Variants in CDH2 observed in about 807,000 individuals in gnomAD.
CDH2 encodes cadherin-2.
A neutral mutation model predicts 92.0 loss-of-function variants in CDH2; 17 were observed. The ratio of observed to expected loss-of-function variants is 0.18; its 90% CI spans 0.13 to 0.28. The LOEUF (loss-of-function observed/expected upper bound fraction) is 0.28. CDH2 is among the 10% of genes least tolerant of loss of function. The pLI is 1.00. For missense variants in CDH2, 862 were observed against 1,133.1 expected (o/e 0.76, Z 3.44); for synonymous variants, 419 against 415.9 (o/e 1.01, Z -0.09).
chr18:28,071,518 GACTGC>G (rs779371672), intron 2 of CDH2, among the ~76,000 whole-genome samples: 12 of 152,068 alleles, frequency 7.9e-5, no homozygotes, highest in Non-Finnish European at 1.6e-4. Context: ...GCCTTCCCAG[GACTGC>G]ACAAGTCAGA....
chr18:27,975,123 C>A (rs2011783220), intron 14 of CDH2, among the ~76,000 whole-genome samples: 1 of 152,226 alleles, frequency 6.6e-6, no homozygotes, highest in East Asian at 1.9e-4. Context: ...GTTCTCTGAG[C>A]CTAAGGGGTG....
chr18:28,131,010 C>T (rs1158207997), intron 2 of CDH2, among the ~76,000 whole-genome samples: 5 of 152,170 alleles, frequency 3.3e-5, no homozygotes, highest in Admixed American at 1.3e-4. Flanking sequence ...CAGCTCCTTA[C>T]ACCATTTCCT....
intron 1 of CDH2, among the ~76,000 whole-genome samples, chr18:28,155,656 G>GCGAACAT (rs2016197401): frequency 6.6e-6 from 1 of 152,152 alleles, no homozygotes; most frequent in Admixed American, 6.5e-5. Flanking sequence ...AACGACATAA[G>GCGAACAT]CGAACATAAA....
intron 2 of CDH2, among the ~76,000 whole-genome samples, chr18:28,067,264 C>T (rs758032762): frequency 6.6e-5 from 10 of 152,060 alleles, no homozygotes; most frequent in Non-Finnish European, 7.4e-5. Context: ...AATTCAATGG[C>T]TTTTAGTATA....
intron 2 of CDH2, among the ~76,000 whole-genome samples, chr18:28,020,143 T>C (rs1432999734): frequency 6.6e-6 from 1 of 152,126 alleles, no homozygotes; most frequent in African/African-American, 2.4e-5. Flanking sequence ...TAGATGCAGC[T>C]AGGAATATCT....
intron 2 of CDH2, among the ~76,000 whole-genome samples, chr18:28,057,380 T>G (rs2014311976): frequency 6.6e-6 from 1 of 152,140 alleles, no homozygotes; most frequent in South Asian, 2.1e-4. Context: ...GAAATGAAAT[T>G]TGAGGCCAGG....
At chr18:28,155,300 G>T (rs2144341834) in intron 1 of CDH2, among the ~76,000 whole-genome samples, 1 of 152,254 alleles carries the variant, frequency 6.6e-6, no homozygotes, top group Non-Finnish European at 1.5e-5. Context: ...CTAAAGTACA[G>T]GTCTTTAGGA....
intron 14 of CDH2, among the ~76,000 whole-genome samples, chr18:27,970,339 C>T (rs2143910931): frequency 6.6e-6 from 1 of 151,756 alleles, no homozygotes; most frequent in South Asian, 2.1e-4. Flanking sequence ...TTGCAAAAAA[C>T]AAAAAATGTG....
At chr18:28,029,661 G>A (rs1324998102) in intron 2 of CDH2, among the ~76,000 whole-genome samples, 3 of 149,322 alleles carry the variant, frequency 2.0e-5, no homozygotes, top group Admixed American at 6.6e-5. Flanking sequence ...ACACCAAAGT[G>A]AACAGGATTA....
In CDH2 at chr18:27,982,941, C is replaced by T; in HGVS notation, c.2349+3G>A. Reference sequence around the variant, plus strand: ...ATTTTTAAAGATTTAAAGCACTGCTCACCTGGTCTTCTTCTCCTCCACCTT... The same window carrying T: ...ATTTTTAAAGATTTAAAGCACTGCTTACCTGGTCTTCTTCTCCTCCACCTT... On this transcript the variant is annotated splice_donor_region_variant and intron_variant, in intron 14 of 15. Coordinates refer to ENST00000269141, the MANE Select transcript of CDH2 (RefSeq NM_001792.5). 6.3e-7 allele frequency: 1 copy of T among 1,589,228 alleles called. No homozygotes were observed. Among genetic ancestry groups the T allele is most frequent in the Non-Finnish European group, 8.6e-7 (1 of 1,164,562 alleles).
chr18:28,175,090 T>C, intron 1 of CDH2, among the ~76,000 whole-genome samples: 1 of 151,672 alleles, frequency 6.6e-6, no homozygotes, highest in South Asian at 2.1e-4. Context: ...TAAACCCCAT[T>C]TTTAAAGAAG....
chr18:28,002,945 G>A, intron 7 of CDH2, 52 bp downstream of exon 7: 1 of 1,467,724 alleles, frequency 6.8e-7, no homozygotes, highest in South Asian at 1.2e-5. Context: ...ATATGATATT[G>A]TGCACCTTTA....
At position 28,139,146 on chromosome 18, in the gene CDH2, T is replaced by TA. The variant is rs540517329; in HGVS notation, c.172+8526dup. 3.6e-3 allele frequency among the ~76,000 whole-genome samples: 551 copies of TA among 152,188 alleles called. 4 individuals carry two copies. Among genetic ancestry groups the TA allele is most frequent in the Middle Eastern group, 0.014 (4 of 294 alleles). ...TTAGGAGTGACTCAACAAAATGTGT[T>TA]AGAGTGGTTCTAAAAATGCAGGTAC... On this transcript the variant is annotated intron_variant, in intron 2 of 15. Coordinates refer to ENST00000269141, the MANE Select transcript of CDH2 (RefSeq NM_001792.5).
chr18:28,028,968 T>C (rs577840697), intron 2 of CDH2, among the ~76,000 whole-genome samples: 49 of 152,310 alleles, frequency 3.2e-4, no homozygotes, highest in African/African-American at 1.2e-3. Flanking sequence ...TAAATTCTAA[T>C]ATAAGTTCAC....
chr18:28,167,592 A>G (rs2016405359), intron 1 of CDH2, among the ~76,000 whole-genome samples: 3 of 152,132 alleles, frequency 2.0e-5, no homozygotes, highest in Admixed American at 1.3e-4. Context: ...TGGAAGTCAA[A>G]TAAATAGTTA....
chr18:28,032,109 G>A (rs1329082894), intron 2 of CDH2, among the ~76,000 whole-genome samples: 1 of 152,114 alleles, frequency 6.6e-6, no homozygotes, highest in Non-Finnish European at 1.5e-5. Flanking sequence ...TGGCCAAGAT[G>A]CCCCAGATCA....
At chr18:28,124,093 C>T (rs932023039) in intron 2 of CDH2, among the ~76,000 whole-genome samples, 3 of 151,990 alleles carry the variant, frequency 2.0e-5, no homozygotes, top group Admixed American at 1.3e-4. Flanking sequence ...CAGTTGTTTC[C>T]TTCAAACCCC....
At chr18:28,028,626 T>C (rs1218649998) in intron 2 of CDH2, among the ~76,000 whole-genome samples, 1 of 152,130 alleles carries the variant, frequency 6.6e-6, no homozygotes, top group Non-Finnish European at 1.5e-5. Flanking sequence ...AATACATAAC[T>C]GATAGTTTAA....
chr18:27,940,489 T>G (rs887359761), intron 6 of CDH2, among the ~76,000 whole-genome samples: 1 of 152,212 alleles, frequency 6.6e-6, no homozygotes, highest in African/African-American at 2.4e-5. Flanking sequence ...CCTCTTATTG[T>G]AAAGAACCCT....
Sources: allele counts gnomAD v4.1 joint callset (sites outside exome capture counted in the v4.1 genomes callset), GRCh38; gene constraint gnomAD v4.1.1; transcripts MANE v1.5; gene names NCBI Gene and HGNC (gene_info 2026-07-23, HGNC 2026-07-21).